Variants in ABRAXAS2 observed in about 807,000 individuals in gnomAD.
ABRAXAS2 encodes BRISC complex subunit Abraxas 2.
Under a neutral mutation model 49.0 loss-of-function variants are expected in ABRAXAS2, and 23 were observed. The ratio of observed to expected loss-of-function variants is 0.47; its 90% CI spans 0.34 to 0.66. The LOEUF (loss-of-function observed/expected upper bound fraction) is 0.66. Ranked by LOEUF, ABRAXAS2 falls within the 30% of genes least tolerant of loss-of-function variation. The probability of loss-of-function intolerance (pLI) is 0.01; values close to 1 mark genes in which losing one functional copy is unlikely to be tolerated. For synonymous variants in ABRAXAS2, 168 were observed against 180.2 expected (o/e 0.93, Z 0.54); for missense variants, 443 against 511.9 (o/e 0.87, Z 1.30).
chr10:124,802,247 A>C (rs1358548365), intron 1 of ABRAXAS2, among the ~76,000 whole-genome samples: 1 of 152,108 alleles, frequency 6.6e-6, no homozygotes. Flanking sequence ...TCTAGACTTA[A>C]GAGGGGCGCA....
Position 124,831,433 on chromosome 10 carries a change from CAG to C in ABRAXAS2, c.751_752del (p.Arg251GlufsTer3). The C allele has an allele frequency of 1.9e-6, 3 of 1,603,010 alleles. No individual in the cohort carries two copies. Among genetic ancestry groups the C allele is most frequent in the Non-Finnish European group, 2.6e-6 (3 of 1,171,448 alleles). On this transcript the variant is annotated frameshift_variant, in exon 8 of 9. Coordinates refer to ENST00000298492, the MANE Select transcript of ABRAXAS2 (RefSeq NM_032182.4). LOFTEE classifies it high-confidence loss of function. ...GAACAAATTAAGAAGACAAATCACT[CAG>C]AGGAAAAATGAAAAGGAACAAGAAA... is the stretch of plus-strand genomic sequence containing the variant. ...EVNKLRRQITQRKNEKEQERR... is the reference protein window; with the variant it reads ...EVNKLRRQITXRKNEKEQERR...
At chr10:124,816,153 A>G (rs531192047) in intron 2 of ABRAXAS2, among the ~76,000 whole-genome samples, 2 of 151,790 alleles carry the variant, frequency 1.3e-5, no homozygotes, top group Admixed American at 6.6e-5. Context: ...TGTCCGCCTC[A>G]GCTTCCCAAA....
At chr10:124,816,819 G>A (rs1950827796) in intron 3 of ABRAXAS2, among the ~76,000 whole-genome samples, 1 of 152,144 alleles carries the variant, frequency 6.6e-6, no homozygotes, top group African/African-American at 2.4e-5. Flanking sequence ...ATTTAGAATG[G>A]AAGTATTTCC....
intron 1 of ABRAXAS2, among the ~76,000 whole-genome samples, chr10:124,804,520 G>C (rs1257919588): frequency 1.3e-5 from 2 of 152,010 alleles, no homozygotes; most frequent in Non-Finnish European, 2.9e-5. Flanking sequence ...TTTTGAAAGT[G>C]GGTATTTGTT....
chr10:124,818,723 A>G lies in ABRAXAS2; in HGVS notation c.201-661A>G, dbSNP rs564504935. 1.4e-3 allele frequency among the ~76,000 whole-genome samples: 215 copies of G among 152,320 alleles called. 1 individual carries two copies. Among genetic ancestry groups the G allele is most frequent in the Middle Eastern group, 0.01 (3 of 294 alleles). On this transcript the variant is annotated intron_variant, in intron 3 of 8. Coordinates refer to ENST00000298492, the MANE Select transcript of ABRAXAS2 (RefSeq NM_032182.4). ...CAGTAGTAGAGGAGGCCCACGCATC[A>G]TTATACCTGGATGCGCACCACGGGA... is the stretch of plus-strand genomic sequence containing the variant.
chr10:124,816,483 A>C, intron 2 of ABRAXAS2, 93 bp from the exon 3 acceptor site: 2 of 755,864 alleles, frequency 2.6e-6, no homozygotes, highest in Admixed American at 6.2e-5. Context: ...TTGTTGTCAG[A>C]GATTTTGATT....
intron 2 of ABRAXAS2, chr10:124,815,051 T>C (rs927795247): frequency 3.9e-5 from 6 of 152,272 alleles, no homozygotes; most frequent in African/African-American, 1.4e-4. Flanking sequence ...TAACTCTACC[T>C]GCAGACCAAC....
At chr10:124,816,531 G>A in intron 2 of ABRAXAS2, 45 bp from the exon 3 acceptor site, 1 of 1,396,748 alleles carries the variant, frequency 7.2e-7, no homozygotes. Context: ...AGTTGCCTAT[G>A]TCTTACATGA....
chr10:124,819,972 G>A (rs183686091), intron 4 of ABRAXAS2, among the ~76,000 whole-genome samples: 2 of 152,068 alleles, frequency 1.3e-5, no homozygotes, highest in Non-Finnish European at 2.9e-5. Context: ...GTAATTTACC[G>A]TGTTATACTA....
Position 124,834,700 on chromosome 10 carries a change from A to T in ABRAXAS2, c.977A>T (p.Glu326Val), listed in dbSNP as rs1199418422. The T allele has an allele frequency of 1.2e-6, 2 of 1,614,132 alleles. No individual in the cohort carries two copies. The highest frequency in any genetic ancestry group is 3.3e-5 in the Admixed American group (2 of 60,012). ...QESTLSHSRM[E>V]RSVFMPRPQA... The stretch of plus-strand genomic sequence containing the variant: ...AGTACTTTGAGCCACTCTCGCATGG[A>T]AAGGAGTGTCTTTATGCCTCGACCT... The change falls in exon 9 of 9, where the codon GAA becomes GTA. Residue 326 changes from glutamate to valine, a missense_variant. Around this residue, in one of 3 missense-constraint regions of ABRAXAS2, gnomAD observed 230 missense variants for 237.0 expected, o/e 0.97. Coordinates refer to ENST00000298492, the MANE Select transcript of ABRAXAS2 (RefSeq NM_032182.4).
rs1207750967 is a variant in ABRAXAS2 at position 124,834,706 on chromosome 10, G to A, written c.983G>A (p.Ser328Asn). 1.2e-6 allele frequency: 2 copies of A among 1,614,036 alleles called. No individual in the cohort carries two copies. Among genetic ancestry groups the A allele is most frequent in the African/African-American group, 1.3e-5 (1 of 74,908 alleles). The change falls in exon 9 of 9, where the codon AGT becomes AAT. Residue 328 changes from serine to asparagine, a missense_variant. Ser to Asn is a conservative substitution (Grantham distance 46). Transcript: ENST00000298492. ...TTGAGCCACTCTCGCATGGAAAGGA[G>A]TGTCTTTATGCCTCGACCTCAAGCT... ...STLSHSRMER[S>N]VFMPRPQAVG... is the part of the protein sequence containing the mutation.
intron 5 of ABRAXAS2, 74 bp from the exon 6 acceptor site, chr10:124,828,682 T>C: frequency 6.9e-7 from 1 of 1,452,472 alleles, no homozygotes; most frequent in Non-Finnish European, 9.3e-7. Flanking sequence ...CCCTTTTTTT[T>C]TTTAGACTGT....
chr10:124,805,376 T>G (rs1950735363), intron 1 of ABRAXAS2, among the ~76,000 whole-genome samples: 1 of 151,040 alleles, frequency 6.6e-6, no homozygotes, highest in South Asian at 2.1e-4. Flanking sequence ...CTTTCCCCAC[T>G]CCCATAGATT....
rs527697839 is a variant in ABRAXAS2, at chr10:124,829,247, CT to C, written c.579-144del. 5.3e-4 allele frequency: 326 copies of C among 612,048 alleles called. 1 individual carries two copies. The highest frequency in any genetic ancestry group is 1.5e-3 in the South Asian group (76 of 49,792). 37.9% of individuals were successfully genotyped at this position (612,048 alleles called of 1,614,324 possible). A position where few individuals can be genotyped will look rare whatever the true frequency, so the allele number is the denominator to read the frequency against. ...TTTTTTAAATTTCTCTTCTGTAATT[CT>C]TGTGGTATGGGCATTATTCCTTAAA... is the stretch of plus-strand genomic sequence containing the variant. On this transcript the variant is annotated intron_variant, in intron 6 of 8. Transcript: ENST00000298492.
rs960265138 is a variant in ABRAXAS2 at position 124,806,607 on chromosome 10, T to G, written c.73-224T>G. On this transcript the variant is annotated intron_variant, in intron 1 of 8. Transcript: ENST00000298492. ...AAAAACAGGGAGGAGTTGAAGGGAT[T>G]AAAATAATATTTTATCTTGTTATCC... Among the ~76,000 whole-genome samples, 13 of 152,334 alleles carry G rather than the reference T, an allele frequency of 8.5e-5. No individual in the cohort carries two copies. In the East Asian group the frequency reaches 2.5e-3, roughly 29 times the overall value.
intron 3 of ABRAXAS2, among the ~76,000 whole-genome samples, chr10:124,817,667 C>T (rs1483218849): frequency 6.6e-6 from 1 of 152,146 alleles, no homozygotes; most frequent in Non-Finnish European, 1.5e-5. Flanking sequence ...TTCACCCTGA[C>T]CACTCTCCCA....
intron 5 of ABRAXAS2, among the ~76,000 whole-genome samples, chr10:124,828,365 T>C (rs565141125): frequency 6.6e-6 from 1 of 151,844 alleles, no homozygotes; most frequent in East Asian, 1.9e-4. Flanking sequence ...TAAAAAATTA[T>C]TTATTTATTT....
At chr10:124,831,769 G>C (rs894506991) in intron 8 of ABRAXAS2, among the ~76,000 whole-genome samples, 9 of 148,524 alleles carry the variant, frequency 6.1e-5, no homozygotes, top group African/African-American at 2.2e-4. Flanking sequence ...ATCGGACCTA[G>C]TTACAGTGAA....
At chr10:124,822,019 C>T (rs1376775826) in intron 4 of ABRAXAS2, among the ~76,000 whole-genome samples, 3 of 152,186 alleles carry the variant, frequency 2.0e-5, no homozygotes, top group African/African-American at 7.2e-5. Flanking sequence ...AAGGTTAAAT[C>T]ATTTGCTTAA....
Sources: gnomAD v4.1 joint callset for allele counts (sites outside exome capture counted in the v4.1 genomes callset) on GRCh38, gnomAD v4.1.1 for gene constraint, gnomAD v4.1.1 regional missense constraint, MANE v1.5 for transcripts, NCBI Gene and HGNC (gene_info 2026-07-23, HGNC 2026-07-21) for gene names.